PALM2AKAP2: variants seen among roughly 807,000 people sequenced by gnomAD.
PALM2AKAP2 encodes the protein PALM2 and AKAP2 fusion, also known as PALM2-AKAP2 fusion protein.
Under a neutral mutation model 71.5 loss-of-function variants are expected in PALM2AKAP2, and 37 were observed. The ratio of observed to expected loss-of-function variants is 0.52; its 90% confidence interval spans 0.40 to 0.68. PALM2AKAP2 has a LOEUF of 0.68. Among genes scored for constraint, PALM2AKAP2 ranks in the 30% least tolerant of loss-of-function variants. The pLI is 0.00. For missense variants in PALM2AKAP2, 1,224 were observed against 1,191.8 expected, an observed-to-expected ratio of 1.03 and a Z score of -0.40; for synonymous variants, 468 against 478.8, an observed-to-expected ratio of 0.98 and a Z score of 0.29.
intron 1 of PALM2AKAP2, among the ~76,000 whole-genome samples, chr9:110,073,172 C>G (rs908088966): frequency 6.6e-6 from 1 of 152,122 alleles, no homozygotes; most frequent in Non-Finnish European, 1.5e-5. Context: ...GTCTTTAGTG[C>G]GAAGCCCTGA....
At chr9:109,919,992 C>T (rs1170730937) in intron 3 of PALM2AKAP2, among the ~76,000 whole-genome samples, 1 of 152,168 alleles carries the variant, frequency 6.6e-6, no homozygotes, top group African/African-American at 2.4e-5. Flanking sequence ...CCCTGAAACC[C>T]ATAGGGCCAG....
intron 5 of PALM2AKAP2, among the ~76,000 whole-genome samples, chr9:109,926,432 C>T (rs951657752): frequency 6.6e-6 from 1 of 152,144 alleles, no homozygotes; most frequent in Non-Finnish European, 1.5e-5. Flanking sequence ...ACCTACAATA[C>T]TTCTAGGAAG....
chr9:109,728,791 G>A (rs1405058022), intron 1 of PALM2AKAP2, among the ~76,000 whole-genome samples: 2 of 152,092 alleles, frequency 1.3e-5, no homozygotes, highest in African/African-American at 4.8e-5. Context: ...CCCATAAGCT[G>A]GCTGGACATG....
At chr9:110,014,675 A>G (rs1299953390) in intron 6 of PALM2AKAP2, among the ~76,000 whole-genome samples, 11 of 149,656 alleles carry the variant, frequency 7.4e-5, no homozygotes. Flanking sequence ...TGGGAGGCTG[A>G]GGCCAGAGAA....
intron 1 of PALM2AKAP2, among the ~76,000 whole-genome samples, chr9:109,764,058 G>A (rs1829104972): frequency 6.6e-6 from 1 of 152,192 alleles, no homozygotes; most frequent in South Asian, 2.1e-4. Context: ...ATTCACCCAG[G>A]TACAGTCATC....
Position 110,154,130 on chromosome 9 carries a change from A to G in PALM2AKAP2, c.2570-2189A>G, listed in dbSNP as rs143542343. 4.1e-3 allele frequency among the ~76,000 whole-genome samples: 630 copies of G among 152,344 alleles called. 3 individuals are homozygous for G. The highest frequency in any genetic ancestry group is 7.5e-3 in the Admixed American group (115 of 15,300). ...AGTCACATTATTCTTTGAGATTCCA[A>G]TTAAGTGGTAGCTAGAATCATTAGA... On this transcript the variant is annotated intron_variant, in intron 2 of 3. Transcript: ENST00000374525.
At chr9:109,984,496 C>A (rs1832335670) in intron 6 of PALM2AKAP2, among the ~76,000 whole-genome samples, 1 of 148,180 alleles carries the variant, frequency 6.7e-6, no homozygotes, top group Admixed American at 6.7e-5. Context: ...GATTGAGCAA[C>A]AAAATGAGGC....
rs35588802 is a variant in PALM2AKAP2 at position 110,164,528 on chromosome 9, CT to C, written c.2749-3851del. Among the ~76,000 whole-genome samples the C allele has an allele frequency of 3.9e-3, 509 of 129,268 alleles. 2 individuals are homozygous for C. Among genetic ancestry groups the C allele is most frequent in the Admixed American group, 0.011 (146 of 12,728 alleles). 84.8% of individuals were successfully genotyped at this position (129,268 alleles called of 152,430 possible). On this transcript the variant is annotated intron_variant, in intron 3 of 3. Transcript: ENST00000374525. ...AAACTTTGTTTATTTATTTAGTTTA[CT>C]TTTTTTTTTTTTTTTTTTTGAGACA...
intron 1 of PALM2AKAP2, among the ~76,000 whole-genome samples, chr9:109,756,689 A>G (rs1217644507): frequency 1.3e-5 from 2 of 152,190 alleles, no homozygotes; most frequent in Non-Finnish European, 1.5e-5. Context: ...ATTTCTCCCC[A>G]GAAGTTAACC....
chr9:110,085,355 A>C (rs1834546035), intron 1 of PALM2AKAP2, among the ~76,000 whole-genome samples: 1 of 152,234 alleles, frequency 6.6e-6, no homozygotes, highest in African/African-American at 2.4e-5. Context: ...GGTGGGATAC[A>C]GGAAACCAGG....
rs114263622 is a variant in PALM2AKAP2 at position 109,784,047 on chromosome 9, A to G, written c.45+3514A>G. On this transcript the variant is annotated intron_variant, in intron 1 of 9. Coordinates refer to the PALM2AKAP2 transcript ENST00000302798. ...AAAGAAGAGCAAGTCCATCTTTGAC[A>G]ATGATCTCTACACTCACATGCTCCT... is the stretch of plus-strand genomic sequence containing the variant. Among the ~76,000 whole-genome samples, 265 of 152,326 alleles carry G rather than the reference A, an allele frequency of 1.7e-3. 1 individual carries two copies. The highest frequency in any genetic ancestry group is 5.9e-3 in the African/African-American group (244 of 41,568).
At chr9:110,165,286 A>T (rs1039586847) in intron 3 of PALM2AKAP2, among the ~76,000 whole-genome samples, 4 of 15,824 alleles carry the variant, frequency 2.5e-4, no homozygotes, top group African/African-American at 1.1e-3. Context: ...CTAGAGATTC[A>T]CACACACACA....
intron 3 of PALM2AKAP2, among the ~76,000 whole-genome samples, chr9:109,918,023 C>T (rs897782081): frequency 6.6e-6 from 1 of 152,210 alleles, no homozygotes; most frequent in African/African-American, 2.4e-5. Flanking sequence ...CACACACTCC[C>T]AGGCAGAACC....
At chr9:109,684,879 C>A (rs1237150414) in intron 1 of PALM2AKAP2, among the ~76,000 whole-genome samples, 1 of 152,060 alleles carries the variant, frequency 6.6e-6, no homozygotes, top group Non-Finnish European at 1.5e-5. Context: ...TCTTAAGAAT[C>A]CTAAACTGGA....
intron 1 of PALM2AKAP2, among the ~76,000 whole-genome samples, chr9:110,070,510 A>G (rs1834178939): frequency 6.6e-6 from 1 of 152,240 alleles, no homozygotes; most frequent in Non-Finnish European, 1.5e-5. Context: ...AGCCTCACCA[A>G]TTCTTTCAGT....
intron 1 of PALM2AKAP2, among the ~76,000 whole-genome samples, chr9:110,133,801 C>T (rs376393644): frequency 1.3e-5 from 2 of 152,140 alleles, no homozygotes; most frequent in African/African-American, 4.8e-5. Flanking sequence ...TTAGCAGTAC[C>T]GTGAATCTCT....
Position 109,662,416 on chromosome 9 carries a change from T to C in PALM2AKAP2, c.5+21550T>C, listed in dbSNP as rs551251166. On this transcript the variant is annotated intron_variant, in intron 1 of 6. Coordinates refer to the PALM2AKAP2 transcript ENST00000374531. ...TGTCAAAGGCCTTTTCTGCATCTAT[T>C]GAGATAATCATGTGGTTTTTGTCTT... Among the ~76,000 whole-genome samples, 719 of 152,344 alleles carry C rather than the reference T, an allele frequency of 4.7e-3. 9 individuals carry two copies. Among genetic ancestry groups the C allele is most frequent in the African/African-American group, 0.016 (685 of 41,586 alleles).
intron 3 of PALM2AKAP2, among the ~76,000 whole-genome samples, chr9:109,915,737 T>C (rs1310646723): frequency 6.6e-6 from 1 of 152,138 alleles, no homozygotes; most frequent in Non-Finnish European, 1.5e-5. Context: ...TATTGTTACA[T>C]ATATTACTGT....
intron 7 of PALM2AKAP2, among the ~76,000 whole-genome samples, chr9:110,033,878 G>A (rs927882734): frequency 2.6e-5 from 4 of 152,112 alleles, no homozygotes; most frequent in Admixed American, 6.6e-5. Context: ...TCTAAAAGGT[G>A]TATTCTGTGG....
Sources: gnomAD v4.1 joint callset for allele counts (sites outside exome capture counted in the v4.1 genomes callset) on GRCh38, gnomAD v4.1.1 for gene constraint, MANE v1.5 for transcripts, NCBI Gene and HGNC (gene_info 2026-07-23, HGNC 2026-07-21) for gene names.